The following ESPL1 variants were observed in gnomAD, a reference collection of about 807,000 sequenced individuals.
ESPL1 encodes separin.
ESPL1 carries 50 observed loss-of-function variants against 217.2 expected under a neutral mutation model. That is an observed-to-expected ratio of 0.23 (90% CI 0.18 to 0.29). ESPL1 has a LOEUF of 0.29. ESPL1 is among the 10% of genes least tolerant of loss of function. The probability of loss-of-function intolerance (pLI) is 1.00; values close to 1 mark genes in which losing one functional copy is unlikely to be tolerated. For missense variants in ESPL1, 1,834 were observed against 2,603.0 expected, an observed-to-expected ratio of 0.70 and a Z score of 6.43; for synonymous variants, 994 against 1,081.3, an observed-to-expected ratio of 0.92 and a Z score of 1.58.
chr12:53,291,021 G>T (rs760683226), intron 25 of ESPL1, 25 bp downstream of exon 25: 2 of 1,553,602 alleles, frequency 1.3e-6, no homozygotes, highest in East Asian at 4.8e-5. Flanking sequence ...CAGGGAAGGG[G>T]GCCAGGCCCA....
In ESPL1 at chr12:53,286,194, G is replaced by A; in HGVS notation, c.3458G>A (p.Ser1153Asn). 5 of 1,614,248 alleles carry A rather than the reference G, an allele frequency of 3.1e-6. No individual in the cohort carries two copies. The highest frequency in any genetic ancestry group is 4.2e-6 in the Non-Finnish European group (5 of 1,180,050). ...SPTCDCSLCA[S>N]PVLTAVCLRW... ...ACCTGTGACTGCTCGCTCTGCGCCA[G>A]CCCTGTCCTCACAGCAGTCTGTCTG... Residue 1153 changes from serine to asparagine, a missense_variant, in exon 18 of 31, where the codon AGC (serine) becomes AAC (asparagine). Physicochemically the swap from Ser to Asn is conservative, Grantham distance 46 (BLOSUM62 1). Coordinates refer to ENST00000257934, the MANE Select transcript of ESPL1 (RefSeq NM_012291.5). The surrounding 1 kb of genome is among the most constrained non-coding windows in gnomAD (Gnocchi z 5.3).
At position 53,270,473 on chromosome 12, in the gene ESPL1, A is replaced by G. The variant is rs368185718; in HGVS notation, c.1239A>G (p.Gln413=). ...CTGTGGTGGTTTATGACTTTGCCCA[A>G]GGCTGTCAGGTACTGTCTGGGAATC... ...LYTVVVYDFA[Q]GCQIVDLADL... is the part of the protein sequence containing the mutation. The change falls in exon 4 of 31, where the codon CAA becomes CAG. Residue 413 remains glutamine (Q), a synonymous_variant. Transcript: ENST00000257934. The G allele has an allele frequency of 5.0e-6, 8 of 1,611,952 alleles. No individual in the cohort carries two copies. The highest frequency in any genetic ancestry group is 6.8e-6 in the Non-Finnish European group (8 of 1,178,214).
intron 22 of ESPL1, chr12:53,289,855 T>C: frequency 1.7e-6 from 1 of 605,556 alleles, no homozygotes; most frequent in Middle Eastern, 4.4e-4. Context: ...ATGAAACATA[T>C]TCACATGATT....
chr12:53,272,460 A>G (rs1489484972), intron 5 of ESPL1, among the ~76,000 whole-genome samples: 1 of 152,158 alleles, frequency 6.6e-6, no homozygotes, highest in Non-Finnish European at 1.5e-5. Flanking sequence ...CATCCCTGGC[A>G]GAAGAAACAG....
At chr12:53,270,837 G>T in intron 5 of ESPL1, 39 bp downstream of exon 5, 1 of 1,611,330 alleles carries the variant, frequency 6.2e-7, no homozygotes. Context: ...TTTGTGGGAG[G>T]GTCATCACCC....
intron 18 of ESPL1, chr12:53,287,705 G>A (rs1208409036): frequency 2.9e-6 from 1 of 344,780 alleles, no homozygotes; most frequent in African/African-American, 2.1e-5. Flanking sequence ...GTCTCCCTTT[G>A]TTTCAGACAG....
At chr12:53,278,192 C>T (rs1392163309) in intron 11 of ESPL1, among the ~76,000 whole-genome samples, 1 of 151,828 alleles carries the variant, frequency 6.6e-6, no homozygotes, top group East Asian at 1.9e-4. Context: ...AAAATAGGGG[C>T]CATGCTACTG....
chr12:53,292,443 C>A lies in ESPL1; in HGVS notation c.5912+50C>A. ...CGTGTGGGGAAGGGTAGACAACATACAGGGGCAACAAGCCTTTTCTCCAGA... is the reference window on the plus strand; with the variant it reads ...CGTGTGGGGAAGGGTAGACAACATAAAGGGGCAACAAGCCTTTTCTCCAGA... On this transcript the variant is annotated intron_variant, in intron 28 of 30. Coordinates refer to ENST00000257934, the MANE Select transcript of ESPL1 (RefSeq NM_012291.5). The surrounding 1 kb of genome is among the most constrained non-coding windows in gnomAD (Gnocchi z 4.5). The A allele has an allele frequency of 6.9e-7, 1 of 1,441,878 alleles. No homozygotes were observed. The highest frequency in any genetic ancestry group is 9.8e-7 in the Non-Finnish European group (1 of 1,022,770). The allele number at this position is 1,441,878 out of a possible 1,614,324, so 89.3% of individuals were successfully genotyped here. A position where few individuals can be genotyped will look rare whatever the true frequency, so the allele number is the denominator to read the frequency against.
chr12:53,292,994 A>G lies in ESPL1; in HGVS notation c.6161+24A>G, dbSNP rs920144617. ...TGGTGAGTCTCCAAGGGCAAGACCC[A>G]TCCTAGGGCATTAGGACTCCTGCCC... is the stretch of plus-strand genomic sequence containing the variant. On this transcript the variant is annotated intron_variant, in intron 30 of 30. Coordinates refer to ENST00000257934, the MANE Select transcript of ESPL1 (RefSeq NM_012291.5). This position sits in a 1 kb window ranked among gnomAD's most constrained non-coding sequence, Gnocchi z 4.5. 5.6e-6 allele frequency: 9 copies of G among 1,603,844 alleles called. No homozygotes were observed. In the Admixed American group the frequency reaches 1.0e-4, roughly 18 times the overall value.
At chr12:53,288,760 C>A in intron 20 of ESPL1, 61 bp downstream of exon 20, 1 of 1,473,560 alleles carries the variant, frequency 6.8e-7, no homozygotes, top group Non-Finnish European at 9.2e-7. Context: ...GGGCTTTTGA[C>A]CCCTCTGTCT....
chr12:53,292,442 A>G lies in ESPL1; in HGVS notation c.5912+49A>G. The G allele has an allele frequency of 6.9e-7, 1 of 1,440,644 alleles. No individual in the cohort carries two copies. 89.2% of individuals were successfully genotyped at this position (1,440,644 alleles called of 1,614,324 possible). On this transcript the variant is annotated intron_variant, in intron 28 of 30. Coordinates refer to ENST00000257934, the MANE Select transcript of ESPL1 (RefSeq NM_012291.5). This position sits in a 1 kb window ranked among gnomAD's most constrained non-coding sequence, Gnocchi z 4.5. ...ACGTGTGGGGAAGGGTAGACAACAT[A>G]CAGGGGCAACAAGCCTTTTCTCCAG...
At chr12:53,281,282 C>A (rs1173677666) in intron 12 of ESPL1, among the ~76,000 whole-genome samples, 1 of 151,688 alleles carries the variant, frequency 6.6e-6, no homozygotes, top group Non-Finnish European at 1.5e-5. Context: ...GGATTACAGG[C>A]GCGTGCCACC....
Position 53,290,419 on chromosome 12 carries a change from G to T in ESPL1, c.5314G>T (p.Asp1772Tyr). The change falls in exon 24 of 31, where the codon GAC becomes TAC. Residue 1772 changes from aspartate to tyrosine, a missense_variant. This residue lies in a region of ESPL1 where 295 missense variants were observed against 519.8 expected (regional missense o/e 0.57). Coordinates refer to ENST00000257934, the MANE Select transcript of ESPL1 (RefSeq NM_012291.5). ...KAQKENSSCT[D>Y]KREWWTGRLA... ...ACAGAAAGAGAACAGCAGCTGTACT[G>T]ACAAGCGAGAATGGTGGACAGGGCG... 2 of 1,613,390 alleles carry T rather than the reference G, an allele frequency of 1.2e-6. No homozygotes were observed. The highest frequency in any genetic ancestry group is 2.2e-5 in the South Asian group (2 of 90,834).
At chr12:53,280,727 C>G (rs2120934915) in intron 12 of ESPL1, among the ~76,000 whole-genome samples, 1 of 152,232 alleles carries the variant, frequency 6.6e-6, no homozygotes, top group South Asian at 2.1e-4. Flanking sequence ...AGCGCAGTGG[C>G]TCACACGTGT....
At chr12:53,291,467 T>G (rs964301583) in intron 25 of ESPL1, among the ~76,000 whole-genome samples, 1 of 151,914 alleles carries the variant, frequency 6.6e-6, no homozygotes, top group African/African-American at 2.4e-5. Context: ...GGCACATGCC[T>G]GTAGTCCGAG....
At chr12:53,290,291 G>A in intron 23 of ESPL1, 56 bp from the exon 24 acceptor site, 1 of 1,610,420 alleles carries the variant, frequency 6.2e-7, no homozygotes, top group Non-Finnish European at 8.5e-7. Context: ...TGTTGAGGGA[G>A]GGAGAGATGG....
Position 53,293,155 on chromosome 12 carries a change from A to G in ESPL1, c.6162-118A>G. The stretch of plus-strand genomic sequence containing the variant: ...TGTTCTTCTCTTGTAACCAAGGGCC[A>G]AAGGAGTTTCTCATTGGTTCAATCC... On this transcript the variant is annotated intron_variant, in intron 30 of 30. Coordinates refer to ENST00000257934, the MANE Select transcript of ESPL1 (RefSeq NM_012291.5). This position sits in a 1 kb window ranked among gnomAD's most constrained non-coding sequence, Gnocchi z 4.2. 9.7e-7 allele frequency: 1 copy of G among 1,029,056 alleles called. No individual in the cohort carries two copies. Among genetic ancestry groups the G allele is most frequent in the Non-Finnish European group, 1.5e-6 (1 of 680,466 alleles). The allele number at this position is 1,029,056 out of a possible 1,614,324, so 63.7% of individuals were successfully genotyped here. A position where few individuals can be genotyped will look rare whatever the true frequency, so the allele number is the denominator to read the frequency against.
In ESPL1 at chr12:53,291,978, G is replaced by C. The variant is rs1324156080; in HGVS notation, c.5692-6G>C. ...GGACAGTAACCTCTTAGTGCTTTTT[G>C]CCCAGGACTTGCAGAAGCTGCCGTG... On this transcript the variant is annotated splice_region_variant and splice_polypyrimidine_tract_variant and intron_variant, in intron 26 of 30. Transcript: ENST00000257934. The C allele has an allele frequency of 6.2e-7, 1 of 1,613,028 alleles. No individual in the cohort carries two copies. Among genetic ancestry groups the C allele is most frequent in the African/African-American group, 1.3e-5 (1 of 74,972 alleles).
chr12:53,272,681 A>G (rs770247975), intron 5 of ESPL1, 40 bp from the exon 6 acceptor site: 1 of 1,602,386 alleles, frequency 6.2e-7, no homozygotes, highest in East Asian at 2.2e-5. Context: ...GGGTGGTGGG[A>G]GCCTTTCCTA....
Sources: gnomAD v4.1 joint callset for allele counts (sites outside exome capture counted in the v4.1 genomes callset) on GRCh38, gnomAD v4.1.1 for gene constraint, gnomAD v4.1.1 regional missense constraint, Gnocchi (gnomAD v3.1) non-coding constraint, MANE v1.5 for transcripts, NCBI Gene and HGNC (gene_info 2026-07-23, HGNC 2026-07-21) for gene names.